IPO11: variants seen among roughly 807,000 people sequenced by gnomAD.
The protein encoded by IPO11 is importin 11.
Under a neutral mutation model 143.2 loss-of-function variants are expected in IPO11, and 66 were observed. The ratio of observed to expected loss-of-function variants is 0.46; its 90% CI spans 0.38 to 0.57. IPO11 has a LOEUF of 0.57. Ranked by LOEUF, IPO11 falls within the 20% of genes least tolerant of loss-of-function variation. The pLI is 0.00. For missense variants in IPO11, 1,026 were observed against 1,141.0 expected (o/e 0.90, Z 1.45); for synonymous variants, 385 against 377.8 (o/e 1.02, Z -0.22).
chr5:62,557,672 A>G (rs373354263), intron 26 of IPO11, among the ~76,000 whole-genome samples: 4 of 152,206 alleles, frequency 2.6e-5, no homozygotes, highest in African/African-American at 9.6e-5. Context: ...TCCCAGTTCT[A>G]TATTGTTTTT....
chr5:62,484,141 G>C lies in IPO11; in HGVS notation c.1153G>C (p.Glu385Gln), dbSNP rs1388015061. 3 of 1,602,732 alleles carry C rather than the reference G, an allele frequency of 1.9e-6. No homozygotes were observed. Among genetic ancestry groups the C allele is most frequent in the Non-Finnish European group, 1.7e-6 (2 of 1,177,012 alleles). The change falls in exon 11 of 30, where the codon GAA (glutamate) becomes CAA (glutamine). Residue 385 changes from glutamate (E) to glutamine (Q), a missense_variant. Physicochemically the swap from Glu to Gln is conservative, Grantham distance 29. Coordinates refer to ENST00000325324, the MANE Select transcript of IPO11 (RefSeq NM_016338.5). The part of the protein sequence containing the change: ...LLTEEELTMW[E>Q]EDPEGFTVEE... The stretch of plus-strand genomic sequence containing the variant: ...AACTGAAGAAGAACTGACAATGTGG[G>C]AAGAAGACCCAGAAGGCTTTAGTAA...
intron 3 of IPO11, among the ~76,000 whole-genome samples, chr5:62,444,157 A>G (rs1006823704): frequency 7.4e-5 from 11 of 147,970 alleles, no homozygotes; most frequent in Non-Finnish European, 1.0e-4. Flanking sequence ...GTGCAATGGC[A>G]TGATCTCGGC....
intron 26 of IPO11, among the ~76,000 whole-genome samples, chr5:62,555,848 G>T (rs1489471139): frequency 6.6e-6 from 1 of 152,082 alleles, no homozygotes. Context: ...ATACAGCCTT[G>T]CATGTTGCCT....
intron 1 of IPO11, among the ~76,000 whole-genome samples, chr5:62,436,900 C>T (rs1428331899): frequency 6.6e-6 from 1 of 152,160 alleles, no homozygotes; most frequent in Non-Finnish European, 1.5e-5. Flanking sequence ...TTTTATAACA[C>T]TTATTAATCT....
intron 21 of IPO11, among the ~76,000 whole-genome samples, chr5:62,527,691 G>A (rs1742412410): frequency 6.6e-6 from 1 of 152,048 alleles, no homozygotes; most frequent in Admixed American, 6.6e-5. Context: ...AAAAATGCAC[G>A]GCTTTGTTAA....
At chr5:62,536,566 G>A (rs1742741961) in intron 22 of IPO11, 136 bp from the exon 23 acceptor site, 1 of 963,012 alleles carries the variant, frequency 1.0e-6, no homozygotes. Context: ...TGTAGATACT[G>A]GTAGTCTTGA....
intron 1 of IPO11, among the ~76,000 whole-genome samples, chr5:62,435,073 T>C (rs1404009713): frequency 2.7e-5 from 3 of 111,234 alleles, no homozygotes; most frequent in Non-Finnish European, 5.5e-5. Flanking sequence ...TATATATATG[T>C]ATATATATGT....
intron 27 of IPO11, among the ~76,000 whole-genome samples, chr5:62,586,233 A>G (rs1380940025): frequency 1.3e-5 from 2 of 152,194 alleles, no homozygotes; most frequent in Non-Finnish European, 2.9e-5. Flanking sequence ...AATTACACAT[A>G]TGTATTTTTA....
chr5:62,582,461 TAGAC>T (rs1338530301), intron 27 of IPO11, among the ~76,000 whole-genome samples: 2 of 152,186 alleles, frequency 1.3e-5, no homozygotes, highest in African/African-American at 4.8e-5. Context: ...GAGTCAGTTT[TAGAC>T]AGATTGAATC....
chr5:62,441,737 A>G (rs1362820388), intron 2 of IPO11, among the ~76,000 whole-genome samples: 2 of 148,874 alleles, frequency 1.3e-5, no homozygotes, highest in African/African-American at 5.0e-5. Context: ...GCTGGTCTCG[A>G]ACTCCTGACC....
At chr5:62,560,926 A>G (rs1743748269) in intron 26 of IPO11, 1 of 382,976 alleles carries the variant, frequency 2.6e-6, no homozygotes, top group Admixed American at 4.7e-5. Context: ...AAGTCTGCTT[A>G]GCTGTCAGGA....
chr5:62,485,321 T>G, intron 11 of IPO11, 98 bp from the exon 12 acceptor site: 1 of 948,752 alleles, frequency 1.1e-6, no homozygotes, highest in South Asian at 1.4e-5. Flanking sequence ...ATGTTATGTT[T>G]AAAAGAGTTC....
intron 1 of IPO11, chr5:62,418,893 G>C (rs1349829850): frequency 1.3e-5 from 15 of 1,158,108 alleles, no homozygotes; most frequent in Middle Eastern, 4.0e-4. Flanking sequence ...TATAGCACCA[G>C]GTGTGAAACT....
In IPO11 at chr5:62,581,063, T is replaced by C. The variant is rs1020586130; in HGVS notation, c.2583-10514T>C. ...TTTTTCATCTTAGCTTGTGTTTTAA[T>C]CATTTTTTTGATCTACAAAGTTGTT... is the stretch of plus-strand genomic sequence containing the variant. On this transcript the variant is annotated intron_variant, in intron 27 of 29. Transcript: ENST00000325324. The C allele has an allele frequency of 3.2e-5, 50 of 1,549,848 alleles. No individual in the cohort carries two copies. The Admixed American group carries it at 8.1e-4, about 25-fold the overall frequency.
intron 29 of IPO11, among the ~76,000 whole-genome samples, chr5:62,603,680 C>G (rs1745591983): frequency 1.3e-5 from 2 of 152,200 alleles, no homozygotes; most frequent in African/African-American, 4.8e-5. Flanking sequence ...TGGGAGGAAA[C>G]TGGAGTACCC....
intron 29 of IPO11, among the ~76,000 whole-genome samples, chr5:62,611,445 C>A (rs1204021664): frequency 4.6e-5 from 7 of 152,106 alleles, no homozygotes; most frequent in Non-Finnish European, 7.4e-5. Context: ...TAATAGTAAT[C>A]AAAGACACTG....
chr5:62,444,282 C>A (rs1322633528), intron 3 of IPO11, among the ~76,000 whole-genome samples: 2 of 151,746 alleles, frequency 1.3e-5, no homozygotes, highest in Admixed American at 6.6e-5. Context: ...TTAGTAGAGC[C>A]AGGGTTTCAC....
chr5:62,554,402 A>G (rs1743497675), intron 26 of IPO11, among the ~76,000 whole-genome samples: 1 of 152,096 alleles, frequency 6.6e-6, no homozygotes, highest in African/African-American at 2.4e-5. Context: ...GTAATCTTAT[A>G]GTTGTGGGTC....
chr5:62,446,094 A>G (rs886326416), intron 3 of IPO11, among the ~76,000 whole-genome samples: 34 of 152,310 alleles, frequency 2.2e-4, no homozygotes, highest in African/African-American at 7.9e-4. Flanking sequence ...AATGACCTGA[A>G]TGTTTATCTT....
Sources: allele counts gnomAD v4.1 joint callset (sites outside exome capture counted in the v4.1 genomes callset), GRCh38; gene constraint gnomAD v4.1.1; transcripts MANE v1.5; gene names NCBI Gene and HGNC (gene_info 2026-07-23, HGNC 2026-07-21).